Variants in BRIP1 observed in about 807,000 individuals in gnomAD.
BRIP1 encodes BRCA1 interacting DNA helicase 1, also known as Fanconi anemia group J protein.
A neutral mutation model predicts 119.7 loss-of-function variants in BRIP1; 88 were observed. The ratio of observed to expected loss-of-function variants is 0.74; its 90% confidence interval spans 0.62 to 0.88. The LOEUF (loss-of-function observed/expected upper bound fraction) is 0.88, where lower values mean the gene tolerates loss of function less well. Among genes scored for constraint, BRIP1 ranks in the 40% least tolerant of loss-of-function variants. BRIP1 has a pLI of 0.00. For missense variants in BRIP1, 1,259 were observed against 1,455.4 expected, an observed-to-expected ratio of 0.87 and a Z score of 2.20; for synonymous variants, 443 against 496.5, an observed-to-expected ratio of 0.89 and a Z score of 1.43.
chr17:61,740,112 A>G lies in BRIP1; in HGVS notation c.2379+2901T>C, dbSNP rs1424871419. 6.6e-6 allele frequency among the ~76,000 whole-genome samples: 1 copy of G among 152,110 alleles called. No homozygotes were observed. The highest frequency in any genetic ancestry group is 6.6e-5 in the Admixed American group (1 of 15,252). On this transcript the variant is annotated intron_variant, in intron 16 of 19. Coordinates refer to ENST00000259008, the MANE Select transcript of BRIP1 (RefSeq NM_032043.3). The surrounding 1 kb of genome is among the most constrained non-coding windows in gnomAD (Gnocchi z 5.4). ...CATTATCCCAGTTCTCTGCTTGGGT[A>G]TAATTTCCTGACCACAGCACAGAGC...
At chr17:61,813,779 T>C (rs1055521857) in intron 6 of BRIP1, among the ~76,000 whole-genome samples, 9 of 152,000 alleles carry the variant, frequency 5.9e-5, no homozygotes, top group Non-Finnish European at 8.8e-5. Context: ...GGAATCCCTA[T>C]ATATCAAGCC....
intron 10 of BRIP1, among the ~76,000 whole-genome samples, chr17:61,786,207 T>C (rs1323246157): frequency 6.6e-6 from 1 of 151,886 alleles, no homozygotes; most frequent in African/African-American, 2.4e-5. Flanking sequence ...CGTGTGTGTG[T>C]GTGTGTGACA....
In BRIP1 at chr17:61,686,135, T is replaced by G; in HGVS notation, c.2606A>C (p.Gln869Pro). The change falls in exon 19 of 20, where the codon CAG becomes CCG. Residue 869 changes from glutamine (Q) to proline (P), a missense_variant. Gln to Pro is a moderately conservative substitution (Grantham distance 76). Around this residue, in one of 3 missense-constraint regions of BRIP1, gnomAD observed 753 missense variants for 891.8 expected, o/e 0.84. Transcript: ENST00000259008. The surrounding 1 kb of genome is among the most constrained non-coding windows in gnomAD (Gnocchi z 5.4). ...TGCACTTTCAAAGGTTGAATGGTGC[T>G]GAATCTGCTGCCGTACCCATTTAGA... ...GLSKWVRQQI[Q>P]HHSTFESALE... The G allele has an allele frequency of 6.2e-7, 1 of 1,614,108 alleles. No individual in the cohort carries two copies. The highest frequency in any genetic ancestry group is 8.5e-7 in the Non-Finnish European group (1 of 1,179,962).
rs183265073 is a variant in BRIP1, at chr17:61,856,265, T to A, written c.379+793A>T. 1.2e-4 allele frequency among the ~76,000 whole-genome samples: 19 copies of A among 152,342 alleles called. No homozygotes were observed. The highest frequency in any genetic ancestry group is 8.5e-4 in the Admixed American group (13 of 15,302). ...CATGCTTTAGAGGAAGCTGACTCCATCCTTGATTTTAGGAAATGGATACTC... is the reference window on the plus strand; with the variant it reads ...CATGCTTTAGAGGAAGCTGACTCCAACCTTGATTTTAGGAAATGGATACTC... On this transcript the variant is annotated intron_variant, in intron 4 of 19. Coordinates refer to ENST00000259008, the MANE Select transcript of BRIP1 (RefSeq NM_032043.3). This position sits in a 1 kb window ranked among gnomAD's most constrained non-coding sequence, Gnocchi z 5.1.
rs1450197845 is a variant in BRIP1 at position 61,862,553 on chromosome 17, A to G, written c.-31+731T>C. On this transcript the variant is annotated intron_variant, in intron 1 of 19. Transcript: ENST00000259008. This position sits in a 1 kb window ranked among gnomAD's most constrained non-coding sequence, Gnocchi z 5.3. ...AACCTAGGATCCACGGATGTAATTCAGAGACAATGACCTCTTGAAATTGCA... is the reference window on the plus strand; with the variant it reads ...AACCTAGGATCCACGGATGTAATTCGGAGACAATGACCTCTTGAAATTGCA... Among the ~76,000 whole-genome samples the G allele has an allele frequency of 1.3e-5, 2 of 152,232 alleles. No homozygotes were observed. The highest frequency in any genetic ancestry group is 4.8e-5 in the African/African-American group (2 of 41,458).
At chr17:61,781,749 C>T (rs777231162) in intron 11 of BRIP1, among the ~76,000 whole-genome samples, 3 of 151,402 alleles carry the variant, frequency 2.0e-5, no homozygotes, top group Admixed American at 6.6e-5. Context: ...GGTGAAACCC[C>T]GTCTCTACTA....
At chr17:61,698,201 T>C (rs536360071) in intron 17 of BRIP1, among the ~76,000 whole-genome samples, 1 of 152,330 alleles carries the variant, frequency 6.6e-6, no homozygotes, top group Admixed American at 6.5e-5. Flanking sequence ...TTTATCACAA[T>C]GTATTTTTCA....
chr17:61,698,629 T>G lies in BRIP1; in HGVS notation c.2493-5117A>C, dbSNP rs1295838993. Among the ~76,000 whole-genome samples the G allele has an allele frequency of 2.0e-5, 3 of 152,336 alleles. No individual in the cohort carries two copies. The South Asian group carries it at 6.2e-4, about 32-fold the overall frequency. ...TTACTAAATTATTGATTTCTGATGC[T>G]TTTTGCTAGATGTGTTTTGGGGCCT... is the stretch of plus-strand genomic sequence containing the variant. On this transcript the variant is annotated intron_variant, in intron 17 of 19. Transcript: ENST00000259008.
rs972693339 is a variant in BRIP1 at position 61,759,420 on chromosome 17, A to G, written c.2098-14829T>C. 6.6e-6 allele frequency among the ~76,000 whole-genome samples: 1 copy of G among 152,210 alleles called. No individual in the cohort carries two copies. The highest frequency in any genetic ancestry group is 2.4e-5 in the African/African-American group (1 of 41,460). On this transcript the variant is annotated intron_variant, in intron 14 of 19. Coordinates refer to ENST00000259008, the MANE Select transcript of BRIP1 (RefSeq NM_032043.3). This position sits in a 1 kb window ranked among gnomAD's most constrained non-coding sequence, Gnocchi z 4.9. The stretch of plus-strand genomic sequence containing the variant: ...ACCTAACATCAAAGTACCTAAATAT[A>G]TAAAGCAAGTATTAAAGGATCTGAA...
intron 14 of BRIP1, among the ~76,000 whole-genome samples, chr17:61,771,364 T>C (rs932367101): frequency 1.3e-5 from 2 of 152,172 alleles, no homozygotes; most frequent in Non-Finnish European, 2.9e-5. Flanking sequence ...TTTGTGAATA[T>C]ACTAAAAATG....
rs1177140981 is a variant in BRIP1 at position 61,762,956 on chromosome 17, G to A, written c.2097+13445C>T. Among the ~76,000 whole-genome samples the A allele has an allele frequency of 6.6e-6, 1 of 152,062 alleles. No homozygotes were observed. The highest frequency in any genetic ancestry group is 1.5e-5 in the Non-Finnish European group (1 of 68,002). ...CACTGTAGCATTGTTCATTTGGCTG[G>A]AATTGGAGAACATTATGCTAAGTGA... is the stretch of plus-strand genomic sequence containing the variant. On this transcript the variant is annotated intron_variant, in intron 14 of 19. Transcript: ENST00000259008. This position sits in a 1 kb window ranked among gnomAD's most constrained non-coding sequence, Gnocchi z 4.3.
Position 61,681,384 on chromosome 17 carries a change from T to G in BRIP1, c.*1912A>C, listed in dbSNP as rs1305298234. The G allele has an allele frequency of 9.5e-6, 2 of 211,622 alleles. No homozygotes were observed. Among genetic ancestry groups the G allele is most frequent in the East Asian group, 7.1e-5 (1 of 14,020 alleles). The allele number at this position is 211,622 out of a possible 1,614,324, so 13.1% of individuals were successfully genotyped here. A position where few individuals can be genotyped will look rare whatever the true frequency, so the allele number is the denominator to read the frequency against. ...ATAGATTCTCAAAGCACAAAGAAAT[T>G]TGTATGATTTTATAGTACTAACCGC... On this transcript the variant is annotated 3_prime_UTR_variant, in exon 20 of 20. Coordinates refer to ENST00000259008, the MANE Select transcript of BRIP1 (RefSeq NM_032043.3). The surrounding 1 kb of genome is among the most constrained non-coding windows in gnomAD (Gnocchi z 5.1).
At chr17:61,771,138 C>G (rs1040537691) in intron 14 of BRIP1, among the ~76,000 whole-genome samples, 1 of 152,120 alleles carries the variant, frequency 6.6e-6, no homozygotes, top group African/African-American at 2.4e-5. Context: ...AACATGGAAA[C>G]ATTACACTAT....
At chr17:61,797,509 A>G (rs2077919388) in intron 9 of BRIP1, among the ~76,000 whole-genome samples, 1 of 152,006 alleles carries the variant, frequency 6.6e-6, no homozygotes, top group Non-Finnish European at 1.5e-5. Context: ...AGAGAGCAAC[A>G]CTGCTAAGAT....
Position 61,736,833 on chromosome 17 carries a change from C to T in BRIP1, c.2379+6180G>A, listed in dbSNP as rs927032681. ...CATCTTTATAAACACTAAATATGTG[C>T]TTTAGGAAATAATAAAGGACACTGG... On this transcript the variant is annotated intron_variant, in intron 16 of 19. Transcript: ENST00000259008. This position sits in a 1 kb window ranked among gnomAD's most constrained non-coding sequence, Gnocchi z 4.4. Among the ~76,000 whole-genome samples, 1 of 152,054 alleles carries T rather than the reference C, an allele frequency of 6.6e-6. No individual in the cohort carries two copies. Among genetic ancestry groups the T allele is most frequent in the Non-Finnish European group, 1.5e-5 (1 of 67,986 alleles).
chr17:61,834,064 C>T lies in BRIP1; in HGVS notation c.627+13037G>A, dbSNP rs1219899112. Among the ~76,000 whole-genome samples, 1 of 152,050 alleles carries T rather than the reference C, an allele frequency of 6.6e-6. No homozygotes were observed. ...TTCAAAAAAACTTTATTTATAAAAG[C>T]AGGCAGCAGGCTGTATTCTGCCCAT... On this transcript the variant is annotated intron_variant, in intron 6 of 19. Coordinates refer to ENST00000259008, the MANE Select transcript of BRIP1 (RefSeq NM_032043.3). This position sits in a 1 kb window ranked among gnomAD's most constrained non-coding sequence, Gnocchi z 4.4.
chr17:61,685,906 T>C lies in BRIP1; in HGVS notation c.2835A>G (p.Glu945=), dbSNP rs786203633. The change falls in exon 19 of 20, where the codon GAA becomes GAG. Residue 945 remains glutamate (E), a synonymous_variant. Coordinates refer to ENST00000259008, the MANE Select transcript of BRIP1 (RefSeq NM_032043.3). ...VEDEAKICVQ[E]LQCPKIITKN... is the part of the protein sequence containing the mutation. ...TGGTAATAATTTTAGGACACTGTAG[T>C]TCCTGGACACATATCTTTGCTTCAT... The C allele has an allele frequency of 1.2e-6, 2 of 1,614,088 alleles. No homozygotes were observed. The highest frequency in any genetic ancestry group is 1.7e-6 in the Non-Finnish European group (2 of 1,179,940).
In BRIP1 at chr17:61,717,730, A is replaced by T. The variant is rs1158650730; in HGVS notation, c.2380-1667T>A. Among the ~76,000 whole-genome samples the T allele has an allele frequency of 1.3e-5, 2 of 151,770 alleles. No homozygotes were observed. Among genetic ancestry groups the T allele is most frequent in the African/African-American group, 2.4e-5 (1 of 41,332 alleles). On this transcript the variant is annotated intron_variant, in intron 16 of 19. Coordinates refer to ENST00000259008, the MANE Select transcript of BRIP1 (RefSeq NM_032043.3). The surrounding 1 kb of genome is among the most constrained non-coding windows in gnomAD (Gnocchi z 4.1). ...TTATAGTTTCTATCAAACTTGAAAAATTTTCAGCCATTATTTCTCTAAATA... is the reference window on the plus strand; with the variant it reads ...TTATAGTTTCTATCAAACTTGAAAATTTTTCAGCCATTATTTCTCTAAATA...
intron 4 of BRIP1, among the ~76,000 whole-genome samples, chr17:61,849,483 A>G (rs371281156): frequency 6.7e-6 from 1 of 149,398 alleles, no homozygotes; most frequent in African/African-American, 2.5e-5. Context: ...TTGATTTTTT[A>G]AATCGCCTTA....
Sources: allele counts gnomAD v4.1 joint callset (sites outside exome capture counted in the v4.1 genomes callset), GRCh38; gene constraint gnomAD v4.1.1; regional missense constraint gnomAD v4.1.1; non-coding constraint Gnocchi (gnomAD v3.1); transcripts MANE v1.5; gene names NCBI Gene and HGNC (gene_info 2026-07-23, HGNC 2026-07-21).